The following FRMD4A variants were observed in gnomAD, a reference collection of about 807,000 sequenced individuals.
FRMD4A encodes the protein FERM domain-containing protein 4A.
Under a neutral mutation model 129.1 loss-of-function variants are expected in FRMD4A, and 29 were observed. That is an observed-to-expected ratio of 0.22 (90% confidence interval 0.17 to 0.31). The LOEUF is 0.31. FRMD4A is among the 10% of genes least tolerant of loss of function. The pLI, the probability that FRMD4A is intolerant of heterozygous loss-of-function variation, is 1.00. For synonymous variants in FRMD4A, 634 were observed against 571.6 expected (o/e 1.11, Z -1.56); for missense variants, 1,272 against 1,375.8 (o/e 0.92, Z 1.19).
At chr10:14,196,979 G>T (rs10906625) in intron 2 of FRMD4A, among the ~76,000 whole-genome samples, 75,721 of 152,042 alleles carry the variant, frequency 0.5, 20,766 homozygotes, top group South Asian at 0.62. Flanking sequence ...CAGTCTCCAT[G>T]AATTGGAAAC....
chr10:14,243,042 A>G (rs1246461481), intron 2 of FRMD4A, among the ~76,000 whole-genome samples: 1 of 95,970 alleles, frequency 1.0e-5, no homozygotes, highest in Non-Finnish European at 2.3e-5. Context: ...CTGTCTATCT[A>G]TCTGTCCATC....
chr10:14,039,359 T>TGTCCATCCGTCCGTCCGTCCGTCC (rs201613957), intron 2 of FRMD4A, among the ~76,000 whole-genome samples: 13 of 128,346 alleles, frequency 1.0e-4, no homozygotes, highest in African/African-American at 3.8e-4. Flanking sequence ...CTTTCTGATC[T>TGTCCATCCGTCCGTCCGTCCGTCC]GTCCGTCCGT....
intron 5 of FRMD4A, among the ~76,000 whole-genome samples, chr10:13,792,815 G>A (rs182985894): frequency 3.3e-5 from 5 of 152,302 alleles, no homozygotes; most frequent in Admixed American, 3.3e-4. Flanking sequence ...ATGAAGGCAG[G>A]ATCTGAGTCC....
chr10:14,251,887 G>GCA (rs71388171), intron 2 of FRMD4A, among the ~76,000 whole-genome samples: 239 of 150,796 alleles, frequency 1.6e-3, no homozygotes, highest in Admixed American at 3.2e-3. Flanking sequence ...GCACACATGT[G>GCA]CACACACACA....
chr10:14,252,575 A>C (rs1844476613), intron 2 of FRMD4A, among the ~76,000 whole-genome samples: 1 of 152,246 alleles, frequency 6.6e-6, no homozygotes, highest in African/African-American at 2.4e-5. Context: ...GCCCTTGGGC[A>C]GGAGTACACT....
At chr10:13,964,290 G>A (rs927733786) in intron 2 of FRMD4A, among the ~76,000 whole-genome samples, 3 of 151,844 alleles carry the variant, frequency 2.0e-5, no homozygotes, top group African/African-American at 4.8e-5. Flanking sequence ...ACTAACAAAC[G>A]AACAACATCT....
At chr10:14,148,040 T>C (rs7914647) in intron 2 of FRMD4A, among the ~76,000 whole-genome samples, 43,427 of 152,098 alleles carry the variant, frequency 0.29, 7,325 homozygotes, top group East Asian at 0.51. Context: ...TCTGGGACGA[T>C]AAACTCAGTA....
chr10:14,044,755 T>G (rs931836298), intron 2 of FRMD4A, among the ~76,000 whole-genome samples: 2 of 152,218 alleles, frequency 1.3e-5, no homozygotes, highest in African/African-American at 2.4e-5. Flanking sequence ...TTGTGACATT[T>G]TGTTATGGGA....
chr10:13,867,816 AATATAAT>A (rs974700086), intron 2 of FRMD4A, among the ~76,000 whole-genome samples: 5 of 137,320 alleles, frequency 3.6e-5, no homozygotes, highest in African/African-American at 8.1e-5. Context: ...AATAATACAT[AATATAAT>A]ATATAATATA....
intron 2 of FRMD4A, among the ~76,000 whole-genome samples, chr10:13,995,888 G>T (rs2095620903): frequency 6.6e-6 from 1 of 151,846 alleles, no homozygotes; most frequent in South Asian, 2.1e-4. Context: ...CAGAGCTGGG[G>T]CTCAGCAGGG....
chr10:14,185,629 A>G (rs1041096199), intron 2 of FRMD4A, among the ~76,000 whole-genome samples: 20 of 152,190 alleles, frequency 1.3e-4, no homozygotes, highest in African/African-American at 4.3e-4. Context: ...TATATACTTC[A>G]TGGTCAGAGA....
At chr10:13,925,563 AC>A (rs1434073233) in intron 2 of FRMD4A, among the ~76,000 whole-genome samples, 1 of 83,648 alleles carries the variant, frequency 1.2e-5, no homozygotes, top group African/African-American at 5.0e-5. Flanking sequence ...TTGTAGTGAA[AC>A]GCTTTTTTTT....
At chr10:13,738,466 C>T (rs1422459253) in intron 11 of FRMD4A, among the ~76,000 whole-genome samples, 2 of 152,154 alleles carry the variant, frequency 1.3e-5, no homozygotes, top group South Asian at 2.1e-4. Flanking sequence ...TCCCCAGCTC[C>T]GGGGAGCACA....
At chr10:13,968,357 C>T (rs1447642465) in intron 2 of FRMD4A, among the ~76,000 whole-genome samples, 1 of 152,208 alleles carries the variant, frequency 6.6e-6, no homozygotes, top group Non-Finnish European at 1.5e-5. Flanking sequence ...TGAGTCTTTC[C>T]CAAGATCAAA....
chr10:14,214,427 A>G (rs1843015073), intron 2 of FRMD4A, among the ~76,000 whole-genome samples: 1 of 152,142 alleles, frequency 6.6e-6, no homozygotes, highest in African/African-American at 2.4e-5. Flanking sequence ...CAAGTAACTC[A>G]ACCTCTCTGA....
At chr10:14,283,789 G>A (rs1249203314) in intron 2 of FRMD4A, among the ~76,000 whole-genome samples, 2 of 152,178 alleles carry the variant, frequency 1.3e-5, no homozygotes, top group African/African-American at 2.4e-5. Context: ...CCAATCGTGG[G>A]CAAGTTTCTC....
intron 8 of FRMD4A, among the ~76,000 whole-genome samples, chr10:13,756,779 G>A (rs1315986433): frequency 6.6e-6 from 1 of 152,188 alleles, no homozygotes; most frequent in Non-Finnish European, 1.5e-5. Context: ...AAGGTTTTCA[G>A]TTAAGGTCCC....
chr10:14,031,715 A>G (rs1292522637), intron 2 of FRMD4A, among the ~76,000 whole-genome samples: 1 of 152,166 alleles, frequency 6.6e-6, no homozygotes, highest in African/African-American at 2.4e-5. Context: ...TAGGAGCTGG[A>G]GCTATGTGAC....
chr10:13,659,518 A>G, intron 20 of FRMD4A, 28 bp from the exon 21 acceptor site: 2 of 1,600,002 alleles, frequency 1.3e-6, no homozygotes, highest in South Asian at 2.2e-5. Context: ...CCACGTGGTC[A>G]CCGCCAGACA....
Sources: gnomAD v4.1 joint callset for allele counts (sites outside exome capture counted in the v4.1 genomes callset) on GRCh38, gnomAD v4.1.1 for gene constraint, MANE v1.5 for transcripts, NCBI Gene and HGNC (gene_info 2026-07-23, HGNC 2026-07-21) for gene names.